DRC9: variants seen among roughly 807,000 people sequenced by gnomAD.
DRC9 encodes the protein dynein regulatory complex subunit 9, also known as dynein regulatory complex protein 9.
the DRC9 span, chr3:197,950,774 C>T: frequency 1.6e-6 from 1 of 643,882 alleles, no homozygotes. Context: ...GAATGTCTTG[C>T]CGGACCCTGC....
the DRC9 span, chr3:197,959,218 A>G: frequency 2.0e-5 from 3 of 152,304 alleles, no homozygotes; most frequent in South Asian, 4.1e-4. Context: ...AAAAAAAAGA[A>G]ACAGCCTTTC....
At chr3:197,947,786 T>C in the DRC9 span, among the ~76,000 whole-genome samples, 1 of 152,126 alleles carries the variant, frequency 6.6e-6, no homozygotes, top group African/African-American at 2.4e-5. Flanking sequence ...AGAATATAAT[T>C]GGTTGGTTAT....
chr3:197,948,945 A>G, the DRC9 span, among the ~76,000 whole-genome samples: 1 of 152,150 alleles, frequency 6.6e-6, no homozygotes, highest in African/African-American at 2.4e-5. Context: ...CACTTTCAAC[A>G]CAGTGACTTT....
At chr3:197,948,613 A>G in the DRC9 span, among the ~76,000 whole-genome samples, 1 of 152,254 alleles carries the variant, frequency 6.6e-6, no homozygotes, top group African/African-American at 2.4e-5. Context: ...TGACAAATCA[A>G]TATCTAATAG....
the DRC9 span, among the ~76,000 whole-genome samples, chr3:197,910,227 G>C: frequency 6.6e-6 from 1 of 152,266 alleles, no homozygotes; most frequent in East Asian, 1.9e-4. Flanking sequence ...TTGGGCCCAG[G>C]AGTTTGAGGC....
chr3:197,928,865 C>G, the DRC9 span, among the ~76,000 whole-genome samples: 1 of 152,196 alleles, frequency 6.6e-6, no homozygotes, highest in Admixed American at 6.5e-5. Flanking sequence ...ACAGGCCCCC[C>G]AGAAAAGCTC....
the DRC9 span, among the ~76,000 whole-genome samples, chr3:197,893,558 G>A: frequency 6.6e-6 from 1 of 150,410 alleles, no homozygotes; most frequent in African/African-American, 2.4e-5. Flanking sequence ...GAAAATGAAT[G>A]TAGGGCCGGG....
the DRC9 span, among the ~76,000 whole-genome samples, chr3:197,933,407 C>T: frequency 2.0e-5 from 3 of 152,008 alleles, no homozygotes; most frequent in Admixed American, 1.3e-4. Flanking sequence ...TGCCACTGCA[C>T]TCCAGCCTGG....
the DRC9 span, among the ~76,000 whole-genome samples, chr3:197,944,582 G>A: frequency 1.7e-4 from 26 of 152,226 alleles, no homozygotes; most frequent in African/African-American, 5.5e-4. Context: ...CCAAGTAGCT[G>A]GGACTACAGG....
chr3:197,953,746 C>T, the DRC9 span: 11 of 558,792 alleles, frequency 2.0e-5, no homozygotes, highest in Admixed American at 3.0e-5. Flanking sequence ...TATCATCTGA[C>T]CTATGTATTT....
the DRC9 span, among the ~76,000 whole-genome samples, chr3:197,931,345 G>A: frequency 1.3e-5 from 2 of 151,256 alleles, no homozygotes; most frequent in African/African-American, 4.9e-5. Context: ...AGCCAGGCGT[G>A]GTGGCAGGCG....
At chr3:197,892,493 C>T in the DRC9 span, 1 of 1,121,418 alleles carries the variant, frequency 8.9e-7, no homozygotes. Context: ...CTATTTGCCA[C>T]TCCTTCCTCG....
chr3:197,914,058 C>G, the DRC9 span: 21 of 1,611,318 alleles, frequency 1.3e-5, no homozygotes, highest in Non-Finnish European at 1.7e-5. Flanking sequence ...GTGGAAAGAC[C>G]AGGTTTCTAA....
At chr3:197,897,900 A>G in the DRC9 span, among the ~76,000 whole-genome samples, 1 of 149,730 alleles carries the variant, frequency 6.7e-6, no homozygotes, top group Non-Finnish European at 1.5e-5. Flanking sequence ...CCTCCCGAGT[A>G]GCTGGGACTA....
chr3:197,924,497 T>C, the DRC9 span, among the ~76,000 whole-genome samples: 1 of 152,248 alleles, frequency 6.6e-6, no homozygotes, highest in Non-Finnish European at 1.5e-5. Flanking sequence ...AGTGAAAAGC[T>C]GATAACGGGC....
chr3:197,943,966 C>T, the DRC9 span: 788 of 1,614,032 alleles, frequency 4.9e-4, 7 homozygotes, highest in East Asian at 5.6e-4. Flanking sequence ...TCTTCTTCTA[C>T]GGTACTAGGT....
At chr3:197,944,117 C>G in the DRC9 span, 1 of 1,441,274 alleles carries the variant, frequency 6.9e-7, no homozygotes, top group South Asian at 1.3e-5. Flanking sequence ...AACTCAAAAG[C>G]ACAGGCAGCA....
chr3:197,942,538 AAAAAC>A, the DRC9 span, among the ~76,000 whole-genome samples: 1 of 152,086 alleles, frequency 6.6e-6, no homozygotes, highest in African/African-American at 2.4e-5. Context: ...AATGAAAAGC[AAAAAC>A]AAAACAAACA....
At chr3:197,931,522 G>C in the DRC9 span, among the ~76,000 whole-genome samples, 3 of 152,104 alleles carry the variant, frequency 2.0e-5, 1 homozygote, top group Non-Finnish European at 4.4e-5. Context: ...AAGAGTTCTA[G>C]ACAGAATTCA....
Sources: allele counts gnomAD v4.1 joint callset (sites outside exome capture counted in the v4.1 genomes callset), GRCh38; gene constraint gnomAD v4.1.1; transcripts MANE v1.5; gene names NCBI Gene and HGNC (gene_info 2026-07-23, HGNC 2026-07-21).